UBE4A: variants seen among roughly 807,000 people sequenced by gnomAD.
The protein encoded by UBE4A is ubiquitination factor E4A.
In UBE4A, 48 loss-of-function variants were observed where a neutral mutation model predicts 117.9. That is an observed-to-expected ratio of 0.41 (90% confidence interval 0.32 to 0.52). The LOEUF (loss-of-function observed/expected upper bound fraction) is 0.52, where lower values mean the gene tolerates loss of function less well. Among genes scored for constraint, UBE4A ranks in the 20% least tolerant of loss-of-function variants. UBE4A has a pLI of 0.33. For synonymous variants in UBE4A, 407 were observed against 450.0 expected, an observed-to-expected ratio of 0.90 and a Z score of 1.21; for missense variants, 1,067 against 1,296.3, an observed-to-expected ratio of 0.82 and a Z score of 2.72.
At chr11:118,368,542 ATCT>A in intron 2 of UBE4A, 86 bp from the exon 3 acceptor site, 2 of 1,383,314 alleles carry the variant, frequency 1.4e-6, no homozygotes, top group Non-Finnish European at 2.0e-6. Context: ...TGAAATTATC[ATCT>A]TCTTGGTTAC....
At chr11:118,363,606 CTTTT>C (rs199847839) in intron 1 of UBE4A, among the ~76,000 whole-genome samples, 6 of 122,858 alleles carry the variant, frequency 4.9e-5, no homozygotes, top group African/African-American at 1.8e-4. Flanking sequence ...ACCACATTAG[CTTTT>C]TTTTTTTTTT....
At chr11:118,376,717 G>C in intron 10 of UBE4A, 23 bp downstream of exon 10, 1 of 1,607,320 alleles carries the variant, frequency 6.2e-7, no homozygotes, top group Non-Finnish European at 8.5e-7. Context: ...ATGTCATTAG[G>C]AAAAAACAGT....
At chr11:118,386,075 TCAGGA>T (rs1948754614) in intron 15 of UBE4A, among the ~76,000 whole-genome samples, 1 of 152,200 alleles carries the variant, frequency 6.6e-6, no homozygotes, top group South Asian at 2.1e-4. Flanking sequence ...TTTTCATCTT[TCAGGA>T]AGGATTCATT....
Position 118,376,638 on chromosome 11 carries a change from C to T in UBE4A, c.1515C>T (p.Asn505=), listed in dbSNP as rs781963739. 1.7e-5 allele frequency: 28 copies of T among 1,613,818 alleles called. No individual in the cohort carries two copies. The highest frequency in any genetic ancestry group is 2.3e-5 in the Non-Finnish European group (27 of 1,179,974). Residue 505 remains asparagine (N), a synonymous_variant, in exon 10 of 20, where the codon AAC becomes AAT. Transcript: ENST00000252108. ...VQEPKFPQNY[N]LVTENLALTE... is the part of the protein sequence containing the mutation. ...AGCCGAAGTTTCCACAGAACTACAA[C>T]CTTGTAACAGAGAACCTTGCTCTGA...
chr11:118,373,738 C>T, intron 8 of UBE4A, 53 bp downstream of exon 8: 1 of 1,555,956 alleles, frequency 6.4e-7, no homozygotes, highest in East Asian at 2.3e-5. Flanking sequence ...AGAGTTTTCT[C>T]AGAAAGCAGA....
intron 4 of UBE4A, 146 bp from the exon 5 acceptor site, chr11:118,371,368 A>G (rs1027729406): frequency 9.8e-7 from 1 of 1,018,154 alleles, no homozygotes; most frequent in Non-Finnish European, 1.4e-6. Context: ...TAAAGTAAAA[A>G]TATACAGGGC....
chr11:118,396,093 C>T (rs1221694460), intron 19 of UBE4A, among the ~76,000 whole-genome samples: 5 of 80,674 alleles, frequency 6.2e-5, no homozygotes, highest in African/African-American at 1.8e-4. Context: ...AGACTGTCTC[C>T]AAAAAAAAAA....
At chr11:118,390,847 A>C (rs1379161324) in intron 18 of UBE4A, 43 bp downstream of exon 18, 1 of 1,598,628 alleles carries the variant, frequency 6.3e-7, no homozygotes. Flanking sequence ...ATTAAGAACC[A>C]CGTTGTCAGC....
chr11:118,382,191 C>A (rs1484998566), intron 12 of UBE4A, among the ~76,000 whole-genome samples: 1 of 152,132 alleles, frequency 6.6e-6, no homozygotes, highest in African/African-American at 2.4e-5. Context: ...ACACTGTATG[C>A]GTCATGGGTA....
chr11:118,372,656 C>G lies in UBE4A; in HGVS notation c.711C>G (p.Ile237Met). ...EQLVDLMLEA[I>M]QGAHFEDVTE... ...TGGTAGATTTGATGTTAGAAGCCATCCAGGGAGCCCGTGAGTACATGAACA... is the reference window on the plus strand; with the variant it reads ...TGGTAGATTTGATGTTAGAAGCCATGCAGGGAGCCCGTGAGTACATGAACA... The change falls in exon 6 of 20, where the codon ATC becomes ATG. Residue 237 changes from isoleucine to methionine, a missense_variant. Ile to Met is a conservative substitution (Grantham distance 10, BLOSUM62 1). Coordinates refer to ENST00000252108, the MANE Select transcript of UBE4A (RefSeq NM_001204077.2). 1 of 1,613,992 alleles carries G rather than the reference C, an allele frequency of 6.2e-7. No individual in the cohort carries two copies. The highest frequency in any genetic ancestry group is 8.5e-7 in the Non-Finnish European group (1 of 1,179,986).
intron 4 of UBE4A, 34 bp from the exon 5 acceptor site, chr11:118,371,480 A>G (rs1311042391): frequency 3.2e-6 from 5 of 1,575,516 alleles, no homozygotes; most frequent in Non-Finnish European, 8.6e-7. Flanking sequence ...TAATTTTGCA[A>G]TAGTTTAGTA....
At chr11:118,371,794 GGA>G in intron 5 of UBE4A, 128 bp downstream of exon 5, 1 of 972,970 alleles carries the variant, frequency 1.0e-6, no homozygotes, top group Non-Finnish European at 1.4e-6. Context: ...TGAATATCAG[GGA>G]CACTAAAGCT....
intron 19 of UBE4A, among the ~76,000 whole-genome samples, chr11:118,394,072 A>G (rs1488336100): frequency 6.6e-6 from 1 of 152,208 alleles, no homozygotes; most frequent in African/African-American, 2.4e-5. Context: ...ATGGTAGCTT[A>G]TTAGCTGCTT....
intron 8 of UBE4A, 74 bp downstream of exon 8, chr11:118,373,759 G>C (rs1490833513): frequency 3.4e-6 from 5 of 1,487,100 alleles, no homozygotes; most frequent in African/African-American, 1.4e-5. Flanking sequence ...TACAGATAAG[G>C]CTGCTCAAGC....
At chr11:118,384,759 T>G in intron 14 of UBE4A, 24 bp downstream of exon 14, 1 of 1,612,092 alleles carries the variant, frequency 6.2e-7, no homozygotes, top group Non-Finnish European at 8.5e-7. Flanking sequence ...TGATGAAACC[T>G]GTTGCTTTAT....
intron 10 of UBE4A, 101 bp from the exon 11 acceptor site, chr11:118,379,345 C>T (rs753789517): frequency 7.5e-7 from 1 of 1,333,186 alleles, no homozygotes; most frequent in South Asian, 1.4e-5. Flanking sequence ...CTGCAACTCC[C>T]TACTATCCTT....
chr11:118,372,465 A>G (rs1307552989), intron 5 of UBE4A, 42 bp from the exon 6 acceptor site: 1 of 1,567,112 alleles, frequency 6.4e-7, no homozygotes, highest in South Asian at 1.2e-5. Flanking sequence ...GTTCCAGATT[A>G]CAGAGTTAGA....
At chr11:118,361,513 A>T (rs1260304548) in intron 1 of UBE4A, among the ~76,000 whole-genome samples, 1 of 152,208 alleles carries the variant, frequency 6.6e-6, no homozygotes, top group African/African-American at 2.4e-5. Flanking sequence ...TTCCTGTAAA[A>T]TTTTTCTATA....
chr11:118,382,974 A>G (rs899853430), intron 13 of UBE4A, among the ~76,000 whole-genome samples, 198 bp downstream of exon 13: 1 of 145,700 alleles, frequency 6.9e-6, no homozygotes, highest in Non-Finnish European at 1.5e-5. Flanking sequence ...GTTTCACTCT[A>G]TTATCCCTGT....
Sources: allele counts gnomAD v4.1 joint callset (sites outside exome capture counted in the v4.1 genomes callset), GRCh38; gene constraint gnomAD v4.1.1; transcripts MANE v1.5; gene names NCBI Gene and HGNC (gene_info 2026-07-23, HGNC 2026-07-21).